Variants in TAFA2 observed in about 807,000 individuals in gnomAD.
TAFA2 encodes TAFA chemokine like family member 2.
Under a neutral mutation model 18.8 loss-of-function variants are expected in TAFA2, and 7 were observed. The observed-to-expected ratio is 0.37, with a 90% CI of 0.21 to 0.70. The LOEUF (loss-of-function observed/expected upper bound fraction) is 0.70, where lower values mean the gene tolerates loss of function less well. TAFA2 is among the 30% of genes least tolerant of loss of function. The pLI is 0.53. For synonymous variants in TAFA2, 60 were observed against 54.2 expected, an observed-to-expected ratio of 1.11 and a Z score of -0.47; for missense variants, 122 against 158.1, an observed-to-expected ratio of 0.77 and a Z score of 1.23.
intron 2 of TAFA2, among the ~76,000 whole-genome samples, chr12:61,786,633 T>G (rs1315165655): frequency 6.6e-6 from 1 of 151,110 alleles, no homozygotes; most frequent in Non-Finnish European, 1.5e-5. Flanking sequence ...GTCAAAAATA[T>G]AAAAACAACC....
intron 1 of TAFA2, among the ~76,000 whole-genome samples, chr12:62,003,020 T>C (rs1425608891): frequency 6.6e-6 from 1 of 152,166 alleles, no homozygotes; most frequent in Admixed American, 6.5e-5. Flanking sequence ...TGCCAGTCAT[T>C]GGAATTACTC....
intron 1 of TAFA2, chr12:62,021,848 T>A (rs1474493428): frequency 2.5e-6 from 2 of 794,924 alleles, no homozygotes; most frequent in East Asian, 4.9e-5. Flanking sequence ...CCACAAAACT[T>A]CATGGATTTA....
intron 1 of TAFA2, among the ~76,000 whole-genome samples, chr12:62,215,425 G>T (rs979140560): frequency 2.6e-5 from 4 of 151,954 alleles, no homozygotes; most frequent in Admixed American, 1.3e-4. Flanking sequence ...ATAGCCTGGG[G>T]AAGTACTGAC....
intron 1 of TAFA2, among the ~76,000 whole-genome samples, chr12:61,961,859 G>T (rs1475306930): frequency 6.6e-6 from 1 of 151,900 alleles, no homozygotes; most frequent in Non-Finnish European, 1.5e-5. Flanking sequence ...AAATTCATTT[G>T]GTCCTTTCCT....
intron 4 of TAFA2, among the ~76,000 whole-genome samples, chr12:61,713,364 T>A (rs1053317192): frequency 7.2e-5 from 11 of 152,198 alleles, no homozygotes; most frequent in Non-Finnish European, 1.2e-4. Context: ...CTGAGCCTAC[T>A]CTTGCTTGGG....
chr12:62,201,402 G>A (rs1208661521), intron 1 of TAFA2, among the ~76,000 whole-genome samples: 13 of 152,096 alleles, frequency 8.5e-5, no homozygotes, highest in African/African-American at 3.1e-4. Flanking sequence ...TTATTTTGAG[G>A]TATGTTCCAT....
At chr12:62,017,629 T>C (rs1246626584) in intron 1 of TAFA2, among the ~76,000 whole-genome samples, 1 of 152,166 alleles carries the variant, frequency 6.6e-6, no homozygotes, top group African/African-American at 2.4e-5. Flanking sequence ...TCCACCACTG[T>C]TTTGAACTGC....
At chr12:62,167,652 A>G (rs2062449535) in intron 1 of TAFA2, among the ~76,000 whole-genome samples, 1 of 152,220 alleles carries the variant, frequency 6.6e-6, no homozygotes, top group Non-Finnish European at 1.5e-5. Flanking sequence ...ATATCCTAGT[A>G]CTATACACTG....
intron 2 of TAFA2, among the ~76,000 whole-genome samples, chr12:61,866,513 G>T (rs188079483): frequency 2.1e-4 from 32 of 152,202 alleles, no homozygotes; most frequent in Middle Eastern, 3.4e-3. Flanking sequence ...TGATTTCTCA[G>T]GTTATGAATA....
chr12:62,220,840 G>A (rs2062757369), intron 1 of TAFA2, among the ~76,000 whole-genome samples: 1 of 152,024 alleles, frequency 6.6e-6, no homozygotes, highest in South Asian at 2.1e-4. Context: ...GGGCGCGGTG[G>A]CTCACGCCTG....
intron 1 of TAFA2, among the ~76,000 whole-genome samples, chr12:62,206,174 C>G (rs1241512517): frequency 6.6e-6 from 1 of 152,158 alleles, no homozygotes; most frequent in Non-Finnish European, 1.5e-5. Context: ...CATCTTGACC[C>G]TTCCCCACCA....
At chr12:62,144,161 T>C (rs2062261845) in intron 1 of TAFA2, among the ~76,000 whole-genome samples, 1 of 151,936 alleles carries the variant, frequency 6.6e-6, no homozygotes, top group East Asian at 1.9e-4. Flanking sequence ...GACTATTGCC[T>C]CTTGTTCTTA....
intron 1 of TAFA2, among the ~76,000 whole-genome samples, chr12:62,159,552 C>G (rs932727038): frequency 1.2e-4 from 18 of 152,248 alleles, no homozygotes; most frequent in African/African-American, 3.6e-4. Flanking sequence ...CTTGCATTTT[C>G]CAACAAGTCT....
Position 61,867,401 on chromosome 12 carries a change from C to A in TAFA2, c.25G>T (p.Ala9Ser). Residue 9 changes from alanine to serine, a missense_variant, in exon 2 of 5, where the codon GCA becomes TCA. This residue lies in a region of TAFA2 where 62 missense variants were observed against 55.5 expected (regional missense o/e 1.12). Coordinates refer to ENST00000416284, the MANE Select transcript of TAFA2 (RefSeq NM_178539.5). MSKRYLQKATKGKLLIIIF... is the reference protein window; with the variant it reads MSKRYLQKSTKGKLLIIIF... ...ATTATTAGCAGTTTTCCTTTTGTTG[C>A]TTTCTGTAAGTATCTCTTACTCATC... is the stretch of plus-strand genomic sequence containing the variant. 1 of 1,601,712 alleles carries A rather than the reference C, an allele frequency of 6.2e-7. No homozygotes were observed. The highest frequency in any genetic ancestry group is 8.5e-7 in the Non-Finnish European group (1 of 1,170,060).
chr12:61,885,139 G>A (rs1184951342), intron 1 of TAFA2, among the ~76,000 whole-genome samples: 1 of 152,122 alleles, frequency 6.6e-6, no homozygotes, highest in Non-Finnish European at 1.5e-5. Flanking sequence ...GAAAACTGAG[G>A]CTCAGAGGGA....
intron 1 of TAFA2, among the ~76,000 whole-genome samples, chr12:61,953,358 A>C (rs565065070): frequency 6.6e-6 from 1 of 152,214 alleles, no homozygotes; most frequent in Non-Finnish European, 1.5e-5. Context: ...AATCCACTGC[A>C]AAATAGGTGC....
chr12:61,762,356 T>C (rs1456897789), intron 2 of TAFA2, among the ~76,000 whole-genome samples: 3 of 152,000 alleles, frequency 2.0e-5, no homozygotes, highest in African/African-American at 7.2e-5. Context: ...GCTTGACCTA[T>C]ACTATATGTG....
chr12:61,850,055 C>A (rs1873578022), intron 2 of TAFA2, among the ~76,000 whole-genome samples: 1 of 151,882 alleles, frequency 6.6e-6, no homozygotes, highest in South Asian at 2.1e-4. Context: ...TGATAGCATC[C>A]CCCAAAAGGG....
At chr12:62,077,535 A>T (rs1057102325) in intron 1 of TAFA2, among the ~76,000 whole-genome samples, 15 of 152,166 alleles carry the variant, frequency 9.9e-5, no homozygotes, top group African/African-American at 3.6e-4. Flanking sequence ...TCGGAGAAGA[A>T]ATTTCCTTTA....
Sources: allele counts gnomAD v4.1 joint callset (sites outside exome capture counted in the v4.1 genomes callset), GRCh38; gene constraint gnomAD v4.1.1; regional missense constraint gnomAD v4.1.1; transcripts MANE v1.5; gene names NCBI Gene and HGNC (gene_info 2026-07-23, HGNC 2026-07-21).